The following PACSIN2 variants were observed in gnomAD, a reference collection of about 807,000 sequenced individuals.
The protein encoded by PACSIN2 is protein kinase C and casein kinase substrate in neurons protein 2.
A neutral mutation model predicts 63.8 loss-of-function variants in PACSIN2; 25 were observed. The observed-to-expected ratio is 0.39, with a 90% CI of 0.29 to 0.55. The LOEUF (loss-of-function observed/expected upper bound fraction) is 0.55. PACSIN2 is among the 20% of genes least tolerant of loss of function. The pLI is 0.62. For missense variants in PACSIN2, 518 were observed against 646.9 expected (o/e 0.80, Z 2.16); for synonymous variants, 255 against 256.2 (o/e 1.00, Z 0.05).
At position 42,871,757 on chromosome 22, in the gene PACSIN2, G is replaced by A. The variant is rs1196710639; in HGVS notation, c.1349-288C>T. Among the ~76,000 whole-genome samples the A allele has an allele frequency of 7.9e-5, 12 of 152,220 alleles. No homozygotes were observed. Among genetic ancestry groups the A allele is most frequent in the Middle Eastern group, 3.4e-3 (1 of 294 alleles). ...TGAGACTGCGGCATCCAGCTCCATA[G>A]GGCTGTGCCTTCCTCACCACCCTGG... On this transcript the variant is annotated intron_variant, in intron 10 of 10. Coordinates refer to ENST00000263246, the MANE Select transcript of PACSIN2 (RefSeq NM_001184970.3). This position sits in a 1 kb window ranked among gnomAD's most constrained non-coding sequence, Gnocchi z 5.4.
intron 1 of PACSIN2, among the ~76,000 whole-genome samples, chr22:42,949,573 G>A (rs867723016): frequency 5.3e-5 from 8 of 151,866 alleles, no homozygotes; most frequent in African/African-American, 7.3e-5. Flanking sequence ...ATAAAATGCC[G>A]AATTACAATA....
Position 42,951,304 on chromosome 22 carries a change from G to A in PACSIN2, c.-77-39147C>T, listed in dbSNP as rs147263721. Among the ~76,000 whole-genome samples the A allele has an allele frequency of 3.5e-3, 531 of 152,258 alleles. 3 individuals carry two copies. The highest frequency in any genetic ancestry group is 0.012 in the African/African-American group (502 of 41,546). ...AAGTAATTCCGGACAGTCCTGCAAA[G>A]CACCCAATTGGTGCCCTTATCACCC... On this transcript the variant is annotated intron_variant, in intron 1 of 10. Transcript: ENST00000263246.
At chr22:42,883,219 G>T (rs1198956483) in intron 6 of PACSIN2, among the ~76,000 whole-genome samples, 1 of 152,144 alleles carries the variant, frequency 6.6e-6, no homozygotes, top group Non-Finnish European at 1.5e-5. Flanking sequence ...CCTGCCAGCA[G>T]AGCAGCCTCG....
chr22:42,970,781 C>G (rs1921198573), intron 1 of PACSIN2, among the ~76,000 whole-genome samples: 1 of 152,210 alleles, frequency 6.6e-6, no homozygotes, highest in Non-Finnish European at 1.5e-5. Flanking sequence ...CCCGTGTAAG[C>G]TGATGTCACC....
rs926159807 is a variant in PACSIN2 at position 42,912,035 on chromosome 22, C to T, written c.46G>A (p.Asp16Asn). 5.0e-6 allele frequency: 8 copies of T among 1,606,058 alleles called. No individual in the cohort carries two copies. The highest frequency in any genetic ancestry group is 5.9e-6 in the Non-Finnish European group (7 of 1,176,690). ...AGGTGCATTACCTCCCAGAAGCTGT[C>T]GCTGGACACTTCTACTCCAACGGAA... is the stretch of plus-strand genomic sequence containing the variant. ...DDSVGVEVSSDSFWEVGNYKR... is the reference protein window; with the variant it reads ...DDSVGVEVSSNSFWEVGNYKR... Residue 16 changes from aspartate to asparagine, a missense_variant, in exon 2 of 11, where the codon GAC becomes AAC. By Grantham distance (23) the Asp-to-Asn change is conservative (BLOSUM62 1). Coordinates refer to ENST00000263246, the MANE Select transcript of PACSIN2 (RefSeq NM_001184970.3).
chr22:42,882,424 C>T, intron 6 of PACSIN2, 120 bp from the exon 7 acceptor site: 1 of 1,143,290 alleles, frequency 8.7e-7, no homozygotes, highest in Non-Finnish European at 1.2e-6. Flanking sequence ...GTTTCACAGA[C>T]AGAGCCAGAA....
At chr22:42,986,673 A>G (rs1336202539) in intron 1 of PACSIN2, among the ~76,000 whole-genome samples, 2 of 152,184 alleles carry the variant, frequency 1.3e-5, no homozygotes, top group Non-Finnish European at 2.9e-5. Context: ...CAGGGCAGAG[A>G]GCAACATCAG....
intron 1 of PACSIN2, among the ~76,000 whole-genome samples, chr22:42,919,998 C>T (rs958985351): frequency 2.0e-5 from 3 of 151,588 alleles, no homozygotes; most frequent in Admixed American, 6.6e-5. Context: ...GTCCCAGCTA[C>T]TCAAGAAGCT....
At chr22:42,993,298 G>T (rs148304769) in intron 1 of PACSIN2, among the ~76,000 whole-genome samples, 1 of 152,328 alleles carries the variant, frequency 6.6e-6, no homozygotes, top group African/African-American at 2.4e-5. Flanking sequence ...CCTGGAAGAA[G>T]TGGGGGCAGA....
intron 1 of PACSIN2, among the ~76,000 whole-genome samples, chr22:42,991,909 C>A (rs4820502): frequency 0.61 from 92,348 of 151,352 alleles, 28,668 homozygotes; most frequent in East Asian, 0.78. Context: ...AAAACTATAA[C>A]ATTTCTAGAC....
intron 6 of PACSIN2, among the ~76,000 whole-genome samples, chr22:42,883,679 G>A (rs1002249680): frequency 6.6e-6 from 1 of 152,236 alleles, no homozygotes; most frequent in Non-Finnish European, 1.5e-5. Context: ...GACCAGCCCA[G>A]AAATGCCAGA....
intron 1 of PACSIN2, among the ~76,000 whole-genome samples, chr22:42,945,120 G>A (rs1013356287): frequency 9.2e-5 from 14 of 151,856 alleles, no homozygotes; most frequent in Admixed American, 8.5e-4. Flanking sequence ...AAGAGGCAAG[G>A]GCTGTGTCAT....
intron 1 of PACSIN2, among the ~76,000 whole-genome samples, chr22:42,940,547 G>C (rs1311051364): frequency 1.3e-5 from 2 of 152,210 alleles, no homozygotes; most frequent in Non-Finnish European, 2.9e-5. Flanking sequence ...CAGAAGCAGT[G>C]CCACCAGAAT....
At chr22:42,993,450 C>A (rs73889012) in intron 1 of PACSIN2, among the ~76,000 whole-genome samples, 1 of 152,260 alleles carries the variant, frequency 6.6e-6, no homozygotes, top group Admixed American at 6.5e-5. Context: ...AATTTGAAGG[C>A]AGAATAACAT....
chr22:42,959,321 C>T (rs993334356), intron 1 of PACSIN2, among the ~76,000 whole-genome samples: 3 of 152,120 alleles, frequency 2.0e-5, no homozygotes, highest in African/African-American at 7.2e-5. Flanking sequence ...AACATTAACG[C>T]CTTAAAGTAG....
intron 2 of PACSIN2, among the ~76,000 whole-genome samples, chr22:42,897,107 T>G (rs1215080154): frequency 6.6e-6 from 1 of 152,120 alleles, no homozygotes; most frequent in African/African-American, 2.4e-5. Context: ...TGGCTAATTT[T>G]TGTATTTTTT....
chr22:42,940,909 A>G (rs1380928507), intron 1 of PACSIN2, among the ~76,000 whole-genome samples: 1 of 152,228 alleles, frequency 6.6e-6, no homozygotes. Flanking sequence ...TAAGATAATA[A>G]TTCACACAGT....
intron 1 of PACSIN2, among the ~76,000 whole-genome samples, chr22:42,920,228 G>A (rs1033392328): frequency 1.3e-5 from 2 of 152,220 alleles, no homozygotes; most frequent in Non-Finnish European, 2.9e-5. Context: ...GGCTACACGT[G>A]AGGGAGACTG....
chr22:42,900,711 C>G (rs1056107726), intron 2 of PACSIN2, among the ~76,000 whole-genome samples: 4 of 152,148 alleles, frequency 2.6e-5, no homozygotes, highest in Admixed American at 1.3e-4. Flanking sequence ...TAGGCTCAAG[C>G]AATCCTCCCA....
Sources: allele counts gnomAD v4.1 joint callset (sites outside exome capture counted in the v4.1 genomes callset), GRCh38; gene constraint gnomAD v4.1.1; non-coding constraint Gnocchi (gnomAD v3.1); transcripts MANE v1.5; gene names NCBI Gene and HGNC (gene_info 2026-07-23, HGNC 2026-07-21).